The following BCO2 variants were observed in gnomAD, a reference collection of about 807,000 sequenced individuals.
BCO2 encodes the protein carotenoid-cleaving dioxygenase, mitochondrial.
Under a neutral mutation model 65.8 loss-of-function variants are expected in BCO2, and 56 were observed. The ratio of observed to expected loss-of-function variants is 0.85; its 90% CI spans 0.69 to 1.06. The LOEUF is 1.06. BCO2 is among the 50% of genes least tolerant of loss of function. The pLI, the probability that BCO2 is intolerant of heterozygous loss-of-function variation, is 0.00. For missense variants in BCO2, 675 were observed against 698.5 expected (o/e 0.97, Z 0.38); for synonymous variants, 233 against 242.3 (o/e 0.96, Z 0.36).
chr11:112,183,355 C>A (rs547930670), intron 2 of BCO2, among the ~76,000 whole-genome samples: 1 of 152,210 alleles, frequency 6.6e-6, no homozygotes, highest in South Asian at 2.1e-4. Context: ...ATGGAAAAAA[C>A]TGACTTTTTT....
intron 5 of BCO2, among the ~76,000 whole-genome samples, chr11:112,195,725 C>G (rs910527735): frequency 7.2e-5 from 11 of 151,970 alleles, no homozygotes; most frequent in East Asian, 1.9e-4. Context: ...ATTTCAGGCG[C>G]GAGCCACTGC....
intron 8 of BCO2, among the ~76,000 whole-genome samples, chr11:112,206,022 A>C (rs1867856715): frequency 6.6e-6 from 1 of 152,232 alleles, no homozygotes; most frequent in African/African-American, 2.4e-5. Flanking sequence ...GAAAATGCAA[A>C]CTTGGGGAAG....
intron 2 of BCO2, among the ~76,000 whole-genome samples, chr11:112,192,925 G>GTTTTGTTT (rs1867433920): frequency 2.7e-5 from 1 of 36,658 alleles, no homozygotes; most frequent in Non-Finnish European, 4.7e-5. Context: ...AAAATGTGAG[G>GTTTTGTTT]TTTTTTTTTT....
At chr11:112,192,925 G>GTTTTTTTTTGTTTTTTTTTTTTT (rs1867434124) in intron 2 of BCO2, among the ~76,000 whole-genome samples, 1 of 36,658 alleles carries the variant, frequency 2.7e-5, no homozygotes, top group African/African-American at 1.0e-4. Flanking sequence ...AAAATGTGAG[G>GTTTTTTTTTGTTTTTTTTTTTTT]TTTTTTTTTT....
intron 8 of BCO2, among the ~76,000 whole-genome samples, chr11:112,212,928 C>T (rs2135395218): frequency 6.6e-6 from 1 of 152,156 alleles, no homozygotes; most frequent in Non-Finnish European, 1.5e-5. Context: ...GCTCAGTTCC[C>T]AGCAACCAGC....
chr11:112,180,982 T>G, intron 2 of BCO2: 1 of 1,292,476 alleles, frequency 7.7e-7, no homozygotes, highest in South Asian at 1.2e-5. Flanking sequence ...GAGAGCCATT[T>G]ATTGATCCTC....
intron 5 of BCO2, among the ~76,000 whole-genome samples, chr11:112,195,378 C>A (rs937151520): frequency 3.9e-5 from 6 of 152,176 alleles, no homozygotes; most frequent in African/African-American, 1.4e-4. Context: ...CGTGATCTGC[C>A]CGCCTGGGCC....
At chr11:112,199,092 A>G (rs1867658123) in intron 5 of BCO2, among the ~76,000 whole-genome samples, 1 of 151,998 alleles carries the variant, frequency 6.6e-6, no homozygotes, top group Non-Finnish European at 1.5e-5. Flanking sequence ...ATTTCTCTTA[A>G]TGCTATCCCT....
At position 112,206,933 on chromosome 11, in the gene BCO2, G is replaced by A. The variant is rs531366452; in HGVS notation, c.1194+4743G>A. ...ATAAAGATACTACATTTCTTTTTGT[G>A]TGTTTTGAAATTATTGTAAATGGTA... is the stretch of plus-strand genomic sequence containing the variant. On this transcript the variant is annotated intron_variant, in intron 8 of 11. Coordinates refer to ENST00000357685, the MANE Select transcript of BCO2 (RefSeq NM_031938.7). 2.6e-3 allele frequency among the ~76,000 whole-genome samples: 389 copies of A among 152,208 alleles called. 2 individuals carry two copies. Among genetic ancestry groups the A allele is most frequent in the African/African-American group, 9.1e-3 (376 of 41,540 alleles).
At position 112,194,328 on chromosome 11, in the gene BCO2, C is replaced by A. The variant is rs1592848237; in HGVS notation, c.634-325C>A. 4 of 403,830 alleles carry A rather than the reference C, an allele frequency of 9.9e-6. No individual in the cohort carries two copies. The East Asian group carries it at 1.7e-4, about 17-fold the overall frequency. 25.0% of individuals were successfully genotyped at this position (403,830 alleles called of 1,614,324 possible). On this transcript the variant is annotated intron_variant, in intron 4 of 11. Transcript: ENST00000357685. ...AGGTTGTCTATACCTGTATTTCCTT[C>A]ACATAACATGTTAATTAAAAAGAAA...
chr11:112,180,015 C>T (rs903602855), intron 2 of BCO2, among the ~76,000 whole-genome samples: 3 of 152,214 alleles, frequency 2.0e-5, no homozygotes, highest in African/African-American at 7.2e-5. Flanking sequence ...GCACAGTCAT[C>T]CCTCAGCATT....
At chr11:112,188,757 C>CTTTTT (rs5794781) in intron 2 of BCO2, among the ~76,000 whole-genome samples, 2 of 147,418 alleles carry the variant, frequency 1.4e-5, no homozygotes, top group Non-Finnish European at 3.0e-5. Context: ...GCATAAATAG[C>CTTTTT]TTTTTTTTTT....
At chr11:112,186,458 G>A (rs1427348371) in intron 2 of BCO2, among the ~76,000 whole-genome samples, 1 of 152,196 alleles carries the variant, frequency 6.6e-6, no homozygotes, top group African/African-American at 2.4e-5. Context: ...TAGACACTCA[G>A]TTTAGTGGTT....
chr11:112,196,127 T>C (rs147960722), intron 5 of BCO2, among the ~76,000 whole-genome samples: 189 of 152,360 alleles, frequency 1.2e-3, no homozygotes, highest in African/African-American at 4.4e-3. Context: ...ACCTAATGTC[T>C]TCAAGACTTG....
At position 112,217,991 on chromosome 11, in the gene BCO2, G is replaced by C. The variant is rs1390403908; in HGVS notation, c.*117G>C. On this transcript the variant is annotated 3_prime_UTR_variant, in exon 12 of 12. Coordinates refer to ENST00000357685, the MANE Select transcript of BCO2 (RefSeq NM_031938.7). ...GGGGGCAAGGAGGAAGAGGGGCAGG[G>C]GTTAAAAAGCTACCTATTGAATACT... The C allele has an allele frequency of 5.6e-6, 4 of 709,586 alleles. No individual in the cohort carries two copies. The highest frequency in any genetic ancestry group is 9.2e-6 in the Non-Finnish European group (4 of 432,786). 44.0% of individuals were successfully genotyped at this position (709,586 alleles called of 1,614,324 possible).
intron 6 of BCO2, 110 bp downstream of exon 6, chr11:112,199,937 A>AAC: frequency 1.5e-6 from 2 of 1,347,960 alleles, no homozygotes; most frequent in Non-Finnish European, 2.0e-6. Flanking sequence ...TATGGTGATA[A>AAC]TGAGACCAAG....
At position 112,183,226 on chromosome 11, in the gene BCO2, G is replaced by C. The variant is rs551858349; in HGVS notation, c.293+3744G>C. On this transcript the variant is annotated intron_variant, in intron 2 of 11. Coordinates refer to ENST00000357685, the MANE Select transcript of BCO2 (RefSeq NM_031938.7). ...GGGACTGGAGGAAGATCTACAAGAT[G>C]AAAATATTTTCCTTATCACTTTTCT... 32 of 780,554 alleles carry C rather than the reference G, an allele frequency of 4.1e-5. 1 individual carries two copies. The Middle Eastern group carries it at 1.1e-3, about 27-fold the overall frequency. 48.4% of individuals were successfully genotyped at this position (780,554 alleles called of 1,614,324 possible). A position where few individuals can be genotyped will look rare whatever the true frequency, so the allele number is the denominator to read the frequency against.
At chr11:112,187,717 G>T (rs1369257727) in intron 2 of BCO2, among the ~76,000 whole-genome samples, 1 of 152,106 alleles carries the variant, frequency 6.6e-6, no homozygotes, top group Non-Finnish European at 1.5e-5. Context: ...AAACTTTGAT[G>T]CATCACGATC....
intron 8 of BCO2, among the ~76,000 whole-genome samples, chr11:112,204,333 G>A (rs1005179291): frequency 1.3e-5 from 2 of 152,096 alleles, no homozygotes; most frequent in Non-Finnish European, 2.9e-5. Context: ...GGTTGTTTCT[G>A]TTTCTTGACT....
Sources: allele counts gnomAD v4.1 joint callset (sites outside exome capture counted in the v4.1 genomes callset), GRCh38; gene constraint gnomAD v4.1.1; transcripts MANE v1.5; gene names NCBI Gene and HGNC (gene_info 2026-07-23, HGNC 2026-07-21).